Variants in ZFAND3 observed in about 807,000 individuals in gnomAD.
ZFAND3 encodes AN1-type zinc finger protein 3.
ZFAND3 carries 10 observed loss-of-function variants against 29.6 expected under a neutral mutation model. The observed-to-expected ratio is 0.34, with a 90% confidence interval of 0.21 to 0.57. The LOEUF is 0.57. Ranked by LOEUF, ZFAND3 falls within the 20% of genes least tolerant of loss-of-function variation. The pLI is 0.86. For synonymous variants in ZFAND3, 128 were observed against 112.6 expected (o/e 1.14, Z -0.87); for missense variants, 230 against 304.5 (o/e 0.76, Z 1.82).
At chr6:38,150,001 C>T (rs1766188610) in intron 5 of ZFAND3, among the ~76,000 whole-genome samples, 1 of 152,172 alleles carries the variant, frequency 6.6e-6, no homozygotes, top group Non-Finnish European at 1.5e-5. Flanking sequence ...TGATGCCATC[C>T]TGCTGGTGCC....
At chr6:37,887,155 G>A (rs151071698) in intron 1 of ZFAND3, among the ~76,000 whole-genome samples, 18 of 152,248 alleles carry the variant, frequency 1.2e-4, no homozygotes, top group South Asian at 1.0e-3. Context: ...ATAAAAGCCC[G>A]TTTGGCTTTC....
chr6:37,930,102 C>A, intron 2 of ZFAND3, 103 bp downstream of exon 2: 1 of 1,150,144 alleles, frequency 8.7e-7, no homozygotes, highest in South Asian at 1.8e-5. Context: ...AGGATTTATG[C>A]ATGGGGTTTT....
At chr6:37,907,483 T>C (rs1765429510) in intron 1 of ZFAND3, among the ~76,000 whole-genome samples, 1 of 152,202 alleles carries the variant, frequency 6.6e-6, no homozygotes, top group African/African-American at 2.4e-5. Flanking sequence ...GGAATCATAA[T>C]GTATAGTCTT....
At chr6:37,974,383 ACTCTCT>A (rs58472302) in intron 2 of ZFAND3, among the ~76,000 whole-genome samples, 79 of 104,490 alleles carry the variant, frequency 7.6e-4, no homozygotes, top group Non-Finnish European at 1.1e-3. Flanking sequence ...TGCATTATAT[ACTCTCT>A]CTCTCTCTCT....
At chr6:37,820,783 A>G (rs1458814264) in intron 1 of ZFAND3, among the ~76,000 whole-genome samples, 2 of 152,208 alleles carry the variant, frequency 1.3e-5, no homozygotes, top group African/African-American at 4.8e-5. Flanking sequence ...AAATGTTGAC[A>G]GTGGGTAGCA....
intron 2 of ZFAND3, among the ~76,000 whole-genome samples, chr6:38,009,654 A>T (rs115985672): frequency 2.0e-5 from 3 of 152,114 alleles, no homozygotes; most frequent in Non-Finnish European, 4.4e-5. Flanking sequence ...ATATTGAAGG[A>T]GGTTTCCCAG....
At chr6:38,039,961 T>C (rs1763729162) in intron 2 of ZFAND3, among the ~76,000 whole-genome samples, 1 of 152,204 alleles carries the variant, frequency 6.6e-6, no homozygotes, top group African/African-American at 2.4e-5. Context: ...ACAATATTAT[T>C]CTTCCTCATT....
At chr6:38,098,997 A>G (rs1205548673) in intron 4 of ZFAND3, among the ~76,000 whole-genome samples, 6 of 152,272 alleles carry the variant, frequency 3.9e-5, no homozygotes, top group Middle Eastern at 3.4e-3. Context: ...TTCCGTATGT[A>G]TTGGTGGAAA....
intron 4 of ZFAND3, among the ~76,000 whole-genome samples, chr6:38,096,184 A>G (rs1205631426): frequency 6.7e-6 from 1 of 150,098 alleles, no homozygotes; most frequent in Admixed American, 6.7e-5. Context: ...GTCCCCCCCA[A>G]CCCCCCGAGA....
chr6:37,883,932 C>A lies in ZFAND3; in HGVS notation c.72-46027C>A, dbSNP rs1356456384. ...CAGGAGATTCGCCAGGCCTGGGAAC[C>A]TTTAGCCAGAGTTTCTGAAGGTTAT... On this transcript the variant is annotated intron_variant, in intron 1 of 5. Coordinates refer to ENST00000287218, the MANE Select transcript of ZFAND3 (RefSeq NM_021943.3). Among the ~76,000 whole-genome samples the A allele has an allele frequency of 1.4e-5, 2 of 145,256 alleles. 1 individual carries two copies. The highest frequency in any genetic ancestry group is 5.6e-5 in the African/African-American group (2 of 35,982).
chr6:37,895,357 G>T (rs1242905904), intron 1 of ZFAND3, among the ~76,000 whole-genome samples: 1 of 150,720 alleles, frequency 6.6e-6, no homozygotes, highest in Non-Finnish European at 1.5e-5. Context: ...TCTTTGAGAC[G>T]GAGTTTCGCT....
chr6:37,826,782 G>A (rs1386150341), intron 1 of ZFAND3, among the ~76,000 whole-genome samples: 1 of 151,274 alleles, frequency 6.6e-6, no homozygotes, highest in Non-Finnish European at 1.5e-5. Flanking sequence ...CTAATAATCA[G>A]AATCTAAAAC....
chr6:37,971,833 A>G (rs1238733302), intron 2 of ZFAND3, among the ~76,000 whole-genome samples: 1 of 27,278 alleles, frequency 3.7e-5, no homozygotes, highest in Non-Finnish European at 1.0e-4. Flanking sequence ...TACAAAATGA[A>G]AAAAAAAAAA....
At chr6:38,106,273 C>T (rs1765207597) in intron 4 of ZFAND3, among the ~76,000 whole-genome samples, 2 of 152,080 alleles carry the variant, frequency 1.3e-5, no homozygotes, top group Admixed American at 1.3e-4. Flanking sequence ...CTGCCTCAGC[C>T]TCCCAAGTAG....
chr6:38,080,977 TA>T (rs1442303289), intron 3 of ZFAND3, among the ~76,000 whole-genome samples: 1 of 152,188 alleles, frequency 6.6e-6, no homozygotes, highest in Admixed American at 6.5e-5. Context: ...AACTGCAATT[TA>T]TTCTTGCCTC....
intron 4 of ZFAND3, among the ~76,000 whole-genome samples, chr6:38,101,185 T>A (rs1483507903): frequency 6.6e-6 from 1 of 152,370 alleles, no homozygotes; most frequent in Admixed American, 6.5e-5. Flanking sequence ...ATAATAATGA[T>A]TTTATGCAGA....
At chr6:38,100,519 A>G (rs1395987432) in intron 4 of ZFAND3, among the ~76,000 whole-genome samples, 1 of 152,244 alleles carries the variant, frequency 6.6e-6, no homozygotes, top group African/African-American at 2.4e-5. Flanking sequence ...GTCTGTGAGT[A>G]ATCACTGAAG....
At chr6:38,080,760 A>G (rs1046256880) in intron 3 of ZFAND3, among the ~76,000 whole-genome samples, 19 of 152,136 alleles carry the variant, frequency 1.2e-4, no homozygotes, top group African/African-American at 3.9e-4. Flanking sequence ...ATGGAGCTAT[A>G]GAAGCCAGTC....
intron 2 of ZFAND3, among the ~76,000 whole-genome samples, chr6:38,039,934 C>T (rs977521691): frequency 3.3e-5 from 5 of 151,882 alleles, no homozygotes; most frequent in African/African-American, 7.3e-5. Context: ...GAAAGAAAGC[C>T]GACTATTGTT....
Sources: gnomAD v4.1 joint callset for allele counts (sites outside exome capture counted in the v4.1 genomes callset) on GRCh38, gnomAD v4.1.1 for gene constraint, MANE v1.5 for transcripts, NCBI Gene and HGNC (gene_info 2026-07-23, HGNC 2026-07-21) for gene names.